The following TCF7L1 variants were observed in gnomAD, a reference collection of about 807,000 sequenced individuals.
TCF7L1 encodes the protein transcription factor 7-like 1.
In TCF7L1, 18 loss-of-function variants were observed where a neutral mutation model predicts 63.7. The observed-to-expected ratio is 0.28, with a 90% CI of 0.20 to 0.42. TCF7L1 has a LOEUF of 0.42. Among genes scored for constraint, TCF7L1 ranks in the 10% least tolerant of loss-of-function variants. The pLI is 1.00. For synonymous variants in TCF7L1, 355 were observed against 340.9 expected, an observed-to-expected ratio of 1.04 and a Z score of -0.46; for missense variants, 654 against 779.3, an observed-to-expected ratio of 0.84 and a Z score of 1.91.
At chr2:85,186,581 T>C (rs898364247) in intron 3 of TCF7L1, 1 of 152,234 alleles carries the variant, frequency 6.6e-6, no homozygotes, top group Non-Finnish European at 1.5e-5. Flanking sequence ...TTAGCAAAGA[T>C]GATAAATTTG....
intron 3 of TCF7L1, among the ~76,000 whole-genome samples, chr2:85,188,521 A>T (rs1678979360): frequency 6.6e-6 from 1 of 152,214 alleles, no homozygotes; most frequent in Admixed American, 6.5e-5. Context: ...GCAAACCTGT[A>T]AAAATATGGA....
chr2:85,190,773 A>C (rs1679024791), intron 3 of TCF7L1, among the ~76,000 whole-genome samples: 1 of 152,172 alleles, frequency 6.6e-6, no homozygotes, highest in South Asian at 2.1e-4. Flanking sequence ...TACTTCACTG[A>C]CTTAAGCTGT....
intron 3 of TCF7L1, among the ~76,000 whole-genome samples, chr2:85,146,328 A>G (rs1233478813): frequency 6.6e-6 from 1 of 152,142 alleles, no homozygotes; most frequent in East Asian, 1.9e-4. Context: ...TTCTGGTTCC[A>G]CTGGGCTGCA....
intron 3 of TCF7L1, among the ~76,000 whole-genome samples, chr2:85,213,253 C>T (rs1679616305): frequency 6.6e-6 from 1 of 152,144 alleles, no homozygotes; most frequent in South Asian, 2.1e-4. Flanking sequence ...AAATGCAGAA[C>T]TCTAGAGTAG....
At chr2:85,227,103 T>C (rs1023717084) in intron 3 of TCF7L1, among the ~76,000 whole-genome samples, 1 of 152,144 alleles carries the variant, frequency 6.6e-6, no homozygotes, top group Non-Finnish European at 1.5e-5. Context: ...CCAGAGTGAG[T>C]TGGTGCTTAA....
chr2:85,199,956 A>G (rs1396702340), intron 3 of TCF7L1, among the ~76,000 whole-genome samples: 1 of 152,172 alleles, frequency 6.6e-6, no homozygotes, highest in African/African-American at 2.4e-5. Flanking sequence ...TTCTGTCTCC[A>G]TGGAGTTGCC....
intron 3 of TCF7L1, among the ~76,000 whole-genome samples, chr2:85,267,476 CCT>C (rs1052889041): frequency 2.6e-5 from 4 of 151,598 alleles, no homozygotes; most frequent in Admixed American, 1.3e-4. Flanking sequence ...ATGGTGAACC[CCT>C]GTCTTTACTA....
At chr2:85,149,831 C>T (rs1186246976) in intron 3 of TCF7L1, among the ~76,000 whole-genome samples, 2 of 151,946 alleles carry the variant, frequency 1.3e-5, no homozygotes, top group Non-Finnish European at 1.5e-5. Context: ...GGCTCTGTAA[C>T]TTTTTTCTGA....
chr2:85,280,327 C>G (rs895520113), intron 3 of TCF7L1, among the ~76,000 whole-genome samples: 1 of 152,122 alleles, frequency 6.6e-6, no homozygotes, highest in African/African-American at 2.4e-5. Flanking sequence ...GTATCCAGCC[C>G]AAAATGTCAT....
intron 3 of TCF7L1, among the ~76,000 whole-genome samples, chr2:85,162,839 C>CTT (rs1459694428): frequency 1.3e-5 from 2 of 152,106 alleles, no homozygotes; most frequent in Non-Finnish European, 2.9e-5. Context: ...GTAACACAAG[C>CTT]TTACTGAATT....
intron 3 of TCF7L1, among the ~76,000 whole-genome samples, chr2:85,278,587 C>T (rs1299547142): frequency 1.3e-5 from 2 of 151,992 alleles, no homozygotes; most frequent in Non-Finnish European, 2.9e-5. Context: ...TGGTAAATGC[C>T]GAGAGAAAAA....
At chr2:85,220,149 G>A (rs191465708) in intron 3 of TCF7L1, among the ~76,000 whole-genome samples, 43 of 152,216 alleles carry the variant, frequency 2.8e-4, no homozygotes, top group African/African-American at 1.0e-3. Flanking sequence ...TGAAAAACAT[G>A]CAGAGGTATG....
At chr2:85,248,837 G>A (rs930785568) in intron 3 of TCF7L1, among the ~76,000 whole-genome samples, 1 of 152,184 alleles carries the variant, frequency 6.6e-6, no homozygotes, top group African/African-American at 2.4e-5. Flanking sequence ...GTTCTTCACT[G>A]CCCTGTTTAG....
At chr2:85,176,164 C>A (rs2104243226) in intron 3 of TCF7L1, among the ~76,000 whole-genome samples, 1 of 152,292 alleles carries the variant, frequency 6.6e-6, no homozygotes, top group Admixed American at 6.5e-5. Context: ...GGCAGCCAAC[C>A]CTGGGCATGC....
intron 3 of TCF7L1, among the ~76,000 whole-genome samples, chr2:85,268,565 G>A (rs1042898944): frequency 2.0e-5 from 3 of 146,526 alleles, no homozygotes; most frequent in Non-Finnish European, 3.0e-5. Context: ...CCTCTGCCTC[G>A]TGAGTAGCTG....
intron 3 of TCF7L1, among the ~76,000 whole-genome samples, chr2:85,219,314 G>T (rs759390488): frequency 2.0e-5 from 3 of 152,138 alleles, no homozygotes; most frequent in African/African-American, 7.2e-5. Flanking sequence ...ACACATTTGC[G>T]TATTATATTG....
intron 3 of TCF7L1, among the ~76,000 whole-genome samples, chr2:85,226,209 T>C (rs1301021999): frequency 6.6e-6 from 1 of 152,240 alleles, no homozygotes. Context: ...CGCATCGATG[T>C]TCATCAGGGA....
rs1210484912 is a variant in TCF7L1 at position 85,305,369 on chromosome 2, C to A, written c.955C>A (p.Pro319Thr). 6.2e-7 allele frequency: 1 copy of A among 1,613,564 alleles called. No individual in the cohort carries two copies. Among genetic ancestry groups the A allele is most frequent in the South Asian group, 1.1e-5 (1 of 91,024 alleles). ...CGTCTCCCCCATCGTCAAGCAGGAA[C>A]CGGCACCCCCCAGCCTGAGCCCTGC... The part of the protein sequence containing the change: ...AIVSPIVKQE[P>T]APPSLSPAVS... Residue 319 changes from proline (P) to threonine (T), a missense_variant, in exon 8 of 12, where the codon CCG becomes ACG. This residue lies in a region of TCF7L1 where 404 missense variants were observed against 454.8 expected (regional missense o/e 0.89). Coordinates refer to ENST00000282111, the MANE Select transcript of TCF7L1 (RefSeq NM_031283.3).
chr2:85,204,505 C>T (rs1029637591), intron 3 of TCF7L1, among the ~76,000 whole-genome samples: 14 of 152,090 alleles, frequency 9.2e-5, no homozygotes, highest in African/African-American at 3.4e-4. Context: ...GCATAGATTG[C>T]TAGTAGTAGA....
Sources: gnomAD v4.1 joint callset for allele counts (sites outside exome capture counted in the v4.1 genomes callset) on GRCh38, gnomAD v4.1.1 for gene constraint, gnomAD v4.1.1 regional missense constraint, MANE v1.5 for transcripts, NCBI Gene and HGNC (gene_info 2026-07-23, HGNC 2026-07-21) for gene names.